Variants in TMEM181 observed in about 807,000 individuals in gnomAD.
The protein encoded by TMEM181 is G protein-coupled receptor 178.
In TMEM181, 39 loss-of-function variants were observed where a neutral mutation model predicts 71.9. The observed-to-expected ratio is 0.54, with a 90% CI of 0.42 to 0.71. The LOEUF (loss-of-function observed/expected upper bound fraction) is 0.71, where lower values mean the gene tolerates loss of function less well. Ranked by LOEUF, TMEM181 falls within the 30% of genes least tolerant of loss-of-function variation. The pLI is 0.00. For missense variants in TMEM181, 595 were observed against 583.0 expected (o/e 1.02, Z -0.21); for synonymous variants, 245 against 228.8 (o/e 1.07, Z -0.64).
At chr6:158,588,339 C>T (rs972845645) in intron 5 of TMEM181, among the ~76,000 whole-genome samples, 8 of 152,334 alleles carry the variant, frequency 5.3e-5, no homozygotes, top group African/African-American at 1.9e-4. Context: ...GCCCCCTGCA[C>T]ACTCCCCTCC....
At chr6:158,585,517 A>G (rs1015765879) in intron 5 of TMEM181, 92 bp downstream of exon 5, 1 of 1,315,660 alleles carries the variant, frequency 7.6e-7, no homozygotes, top group Non-Finnish European at 9.8e-7. Context: ...ATAGCATGGT[A>G]AGAGGCTTCG....
Position 158,635,144 on chromosome 6 carries a change from G to A in TMEM181, c.*3256G>A, listed in dbSNP as rs954032492. On this transcript the variant is annotated 3_prime_UTR_variant, in exon 17 of 17. Coordinates refer to ENST00000684151, the MANE Select transcript of TMEM181 (RefSeq NM_001376852.1). ...ACATTGGAGATACGCTAGTAACTGTGATACCATACTATAAAACAGAAGAAT... is the reference window on the plus strand; with the variant it reads ...ACATTGGAGATACGCTAGTAACTGTAATACCATACTATAAAACAGAAGAAT... 1.3e-5 allele frequency: 2 copies of A among 152,164 alleles called. No homozygotes were observed. The highest frequency in any genetic ancestry group is 2.9e-5 in the Non-Finnish European group (2 of 68,030). 9.4% of individuals were successfully genotyped at this position (152,164 alleles called of 1,614,324 possible).
At chr6:158,545,410 C>T (rs1004898796) in intron 1 of TMEM181, among the ~76,000 whole-genome samples, 7 of 152,346 alleles carry the variant, frequency 4.6e-5, no homozygotes, top group African/African-American at 1.2e-4. Context: ...GCTGGAGCAG[C>T]GCTTGTTTTG....
At chr6:158,628,818 C>T (rs1786490117) in intron 14 of TMEM181, among the ~76,000 whole-genome samples, 1 of 152,220 alleles carries the variant, frequency 6.6e-6, no homozygotes, top group South Asian at 2.1e-4. Context: ...GGGGCAGGTG[C>T]TGTGAGGTAA....
chr6:158,583,832 C>A, intron 3 of TMEM181, 122 bp from the exon 4 acceptor site: 1 of 631,736 alleles, frequency 1.6e-6, no homozygotes, highest in Non-Finnish European at 2.6e-6. Context: ...TCACATATTT[C>A]TGTTTCAAAG....
chr6:158,557,505 A>ATTATTTATTTATTTATTTATTTATTTAT (rs4022177), upstream of TMEM181, among the ~76,000 whole-genome samples: 18 of 146,942 alleles, frequency 1.2e-4, no homozygotes, highest in African/African-American at 4.6e-4. Context: ...CACAGCTGTA[A>ATTATTTATTTATTTATTTATTTATTTAT]TTATTTATTT....
chr6:158,582,720 T>C (rs1255935106), intron 3 of TMEM181, among the ~76,000 whole-genome samples: 1 of 152,016 alleles, frequency 6.6e-6, no homozygotes. Flanking sequence ...TGCATTCAGA[T>C]AATGCTTTTC....
At chr6:158,599,950 T>C (rs527776689) in intron 6 of TMEM181, among the ~76,000 whole-genome samples, 46 of 152,200 alleles carry the variant, frequency 3.0e-4, no homozygotes, top group Admixed American at 1.6e-3. Context: ...GGAAATGGCT[T>C]TTCCCGGAAC....
chr6:158,610,346 G>T, intron 10 of TMEM181: 1 of 290,560 alleles, frequency 3.4e-6, no homozygotes, highest in South Asian at 6.4e-5. Context: ...TCCCCCCGTA[G>T]GCAATTTGTC....
chr6:158,569,980 A>G (rs1273560648), intron 1 of TMEM181, among the ~76,000 whole-genome samples: 1 of 152,228 alleles, frequency 6.6e-6, no homozygotes, highest in Non-Finnish European at 1.5e-5. Flanking sequence ...TAGGGGGTCA[A>G]TAATGTGTTT....
At position 158,583,975 on chromosome 6, in the gene TMEM181, T is replaced by C. The variant is rs1458095645; in HGVS notation, c.190T>C (p.Ser64Pro). 5.6e-6 allele frequency: 9 copies of C among 1,607,938 alleles called. No homozygotes were observed. Among genetic ancestry groups the C allele is most frequent in the African/African-American group, 2.7e-5 (2 of 74,930 alleles). ...SKKLKPIQIL[S>P]NPLSTYNQQL... ...TCAGCTAAAGCCAATTCAAATACTT[T>C]CAAATCCACTGTCTACATACAATCA... The change falls in exon 4 of 17, where the codon TCA becomes CCA. Residue 64 changes from serine to proline, a missense_variant. Ser to Pro is a moderately conservative substitution (Grantham distance 74). Coordinates refer to ENST00000684151, the MANE Select transcript of TMEM181 (RefSeq NM_001376852.1).
At chr6:158,587,863 A>G (rs773958334) in intron 5 of TMEM181, among the ~76,000 whole-genome samples, 1 of 152,146 alleles carries the variant, frequency 6.6e-6, no homozygotes, top group Non-Finnish European at 1.5e-5. Flanking sequence ...TAATTAAAAC[A>G]TCCCTGAAAA....
rs111572194 is a variant in TMEM181 at position 158,565,059 on chromosome 6, C to T, written c.8+4827C>T. Among the ~76,000 whole-genome samples, 322 of 152,286 alleles carry T rather than the reference C, an allele frequency of 2.1e-3. 2 individuals are homozygous for T. The highest frequency in any genetic ancestry group is 6.7e-3 in the African/African-American group (279 of 41,562). ...TCTCACACCCCTTGGGCCCCTGCTGCGGATGCTGGTGTTGCTGGGTTCTGT... is the reference window on the plus strand; with the variant it reads ...TCTCACACCCCTTGGGCCCCTGCTGTGGATGCTGGTGTTGCTGGGTTCTGT... On this transcript the variant is annotated intron_variant, in intron 1 of 16. Coordinates refer to ENST00000684151, the MANE Select transcript of TMEM181 (RefSeq NM_001376852.1).
intron 1 of TMEM181, among the ~76,000 whole-genome samples, chr6:158,562,642 T>A (rs947774987): frequency 1.3e-5 from 2 of 152,186 alleles, no homozygotes; most frequent in Non-Finnish European, 2.9e-5. Context: ...TTCAGGGTCC[T>A]GGGCCTCCTG....
chr6:158,556,201 G>A (rs901400437), upstream of TMEM181, among the ~76,000 whole-genome samples: 1 of 152,144 alleles, frequency 6.6e-6, no homozygotes, highest in African/African-American at 2.4e-5. Context: ...ATATGAAAAA[G>A]CTGCTACCAA....
intron 6 of TMEM181, among the ~76,000 whole-genome samples, chr6:158,590,275 T>A (rs1226722191): frequency 6.6e-6 from 1 of 152,144 alleles, no homozygotes; most frequent in Non-Finnish European, 1.5e-5. Context: ...GCTGCCTCCA[T>A]CATTGACTCA....
chr6:158,603,766 G>A (rs1784796289), intron 6 of TMEM181, among the ~76,000 whole-genome samples: 1 of 151,918 alleles, frequency 6.6e-6, no homozygotes. Flanking sequence ...TGTGATTTCT[G>A]GGCCAGTTTT....
Position 158,634,066 on chromosome 6 carries a change from T to G in TMEM181, c.*2178T>G, listed in dbSNP as rs887174915. The G allele has an allele frequency of 6.6e-6, 1 of 152,238 alleles. No individual in the cohort carries two copies. The highest frequency in any genetic ancestry group is 1.5e-5 in the Non-Finnish European group (1 of 68,032). 9.4% of individuals were successfully genotyped at this position (152,238 alleles called of 1,614,324 possible). ...TATAGTGTAATTATAAACTGATGAC[T>G]ATTATCTTCATACATTGAGTCTTCA... is the stretch of plus-strand genomic sequence containing the variant. On this transcript the variant is annotated 3_prime_UTR_variant, in exon 17 of 17. Transcript: ENST00000684151.
rs1783993803 is a variant in TMEM181, at chr6:158,589,698, C to T, written c.408C>T (p.His136=). The change falls in exon 6 of 17, where the codon CAC becomes CAT. Residue 136 remains histidine (H), a synonymous_variant. Coordinates refer to ENST00000684151, the MANE Select transcript of TMEM181 (RefSeq NM_001376852.1). ...AATGTGCGGAGATTATTGTGGCTCA[C>T]CTTGGCTACCTGAACTACACTCAGT... ...AGKCAEIIVA[H]LGYLNYTQYT... 2 of 1,614,064 alleles carry T rather than the reference C, an allele frequency of 1.2e-6. No individual in the cohort carries two copies. The highest frequency in any genetic ancestry group is 8.5e-7 in the Non-Finnish European group (1 of 1,180,006).
Sources: gnomAD v4.1 joint callset for allele counts (sites outside exome capture counted in the v4.1 genomes callset) on GRCh38, gnomAD v4.1.1 for gene constraint, MANE v1.5 for transcripts, NCBI Gene and HGNC (gene_info 2026-07-23, HGNC 2026-07-21) for gene names.